SETD5: variants seen among roughly 807,000 people sequenced by gnomAD.
SETD5 encodes the protein SET domain containing 5, also known as histone-lysine N-methyltransferase SETD5.
In SETD5, 44 loss-of-function variants were observed where a neutral mutation model predicts 153.3. The observed-to-expected ratio is 0.29, with a 90% CI of 0.23 to 0.37. The LOEUF (loss-of-function observed/expected upper bound fraction) is 0.37, where lower values mean the gene tolerates loss of function less well. SETD5 is among the 10% of genes least tolerant of loss of function. The pLI is 1.00. For missense variants in SETD5, 1,544 were observed against 1,768.0 expected (o/e 0.87, Z 2.27); for synonymous variants, 716 against 645.2 (o/e 1.11, Z -1.66).
intron 1 of SETD5, among the ~76,000 whole-genome samples, chr3:9,416,220 G>A (rs967376131): frequency 6.6e-6 from 1 of 152,128 alleles, no homozygotes; most frequent in African/African-American, 2.4e-5. Flanking sequence ...AGTACTCTAA[G>A]AGATTGCTCA....
At chr3:9,436,709 AATTCCATTGT>A (rs1406300360) in intron 7 of SETD5, 3 of 652,056 alleles carry the variant, frequency 4.6e-6, no homozygotes, top group Non-Finnish European at 7.8e-6. Flanking sequence ...TAGTTTGGGG[AATTCCATTGT>A]ATTTTTTACC....
At position 9,445,147 on chromosome 3, in the gene SETD5, T is replaced by C. The variant is rs1424390716; in HGVS notation, c.1287T>C (p.Pro429=). Reference sequence around the variant, plus strand: ...CAGAACTGCCACTCCTACCACCTCCTCCAAGCCTACCCACCATTGGAGCAG... The same window carrying C: ...CAGAACTGCCACTCCTACCACCTCCCCCAAGCCTACCCACCATTGGAGCAG... ...NATELPLLPP[P]PSLPTIGAET... is the part of the protein sequence containing the mutation. Residue 429 remains proline (P), a synonymous_variant, in exon 12 of 23, where the codon CCT becomes CCC. Coordinates refer to ENST00000402198, the MANE Select transcript of SETD5 (RefSeq NM_001080517.3). 2 of 1,613,920 alleles carry C rather than the reference T, an allele frequency of 1.2e-6. No homozygotes were observed. Among genetic ancestry groups the C allele is most frequent in the Non-Finnish European group, 8.5e-7 (1 of 1,179,882 alleles).
intron 1 of SETD5, among the ~76,000 whole-genome samples, chr3:9,421,267 G>A (rs574347487): frequency 8.4e-4 from 128 of 152,124 alleles, no homozygotes; most frequent in Middle Eastern, 3.4e-3. Flanking sequence ...TAGAACTCAA[G>A]TCTCCTAACT....
intron 1 of SETD5, among the ~76,000 whole-genome samples, chr3:9,407,458 A>G (rs1385661907): frequency 6.6e-6 from 1 of 152,218 alleles, no homozygotes; most frequent in East Asian, 1.9e-4. Context: ...CCTTCCTCTT[A>G]CAGTTTATCA....
intron 11 of SETD5, among the ~76,000 whole-genome samples, chr3:9,444,024 T>C (rs1033642434): frequency 5.3e-5 from 8 of 152,238 alleles, no homozygotes; most frequent in African/African-American, 9.6e-5. Flanking sequence ...ATCACGCCAC[T>C]GCACTCCAGC....
chr3:9,470,045 C>G (rs75405410), intron 18 of SETD5, among the ~76,000 whole-genome samples: 1 of 152,098 alleles, frequency 6.6e-6, no homozygotes, highest in Non-Finnish European at 1.5e-5. Flanking sequence ...TTGATAACCC[C>G]GGAAGCCAGT....
intron 20 of SETD5, 105 bp downstream of exon 20, chr3:9,473,642 A>C: frequency 8.5e-7 from 1 of 1,181,552 alleles, no homozygotes; most frequent in Non-Finnish European, 1.2e-6. Flanking sequence ...ACTTGATGGG[A>C]ACATCTGAGA....
intron 1 of SETD5, among the ~76,000 whole-genome samples, chr3:9,402,039 G>A (rs1165156382): frequency 2.6e-5 from 4 of 152,182 alleles, no homozygotes; most frequent in African/African-American, 9.7e-5. Context: ...AAAATATGTG[G>A]CAAAATGATT....
chr3:9,400,124 T>C (rs1261048745), intron 1 of SETD5, among the ~76,000 whole-genome samples: 1 of 152,246 alleles, frequency 6.6e-6, no homozygotes, highest in Non-Finnish European at 1.5e-5. Flanking sequence ...GTTTGCTTTT[T>C]ATTGGTGGGG....
At position 9,422,388 on chromosome 3, in the gene SETD5, C is replaced by G. The variant is rs912801658; in HGVS notation, c.-176-2079C>G. 4.6e-5 allele frequency among the ~76,000 whole-genome samples: 7 copies of G among 152,056 alleles called. No individual in the cohort carries two copies. The East Asian group carries it at 1.2e-3, about 25-fold the overall frequency. On this transcript the variant is annotated intron_variant, in intron 1 of 22. Transcript: ENST00000402198. Reference sequence around the variant, plus strand: ...TATCTATGAAATATACTTTCTGTCTCTGAATTAGAGTGTATGTATATTTGT... The same window carrying G: ...TATCTATGAAATATACTTTCTGTCTGTGAATTAGAGTGTATGTATATTTGT...
intron 13 of SETD5, among the ~76,000 whole-genome samples, chr3:9,446,723 C>A (rs2042061272): frequency 1.3e-5 from 2 of 152,108 alleles, no homozygotes; most frequent in Admixed American, 1.3e-4. Flanking sequence ...AATCTCCCGA[C>A]CTCATGATCT....
intron 1 of SETD5, among the ~76,000 whole-genome samples, chr3:9,421,352 G>A (rs187191903): frequency 8.6e-4 from 130 of 151,646 alleles, no homozygotes; most frequent in Middle Eastern, 6.8e-3. Context: ...TGCCCAGGCT[G>A]GTCTTAAACT....
At position 9,460,535 on chromosome 3, in the gene SETD5, G is replaced by A. The variant is rs1357781802; in HGVS notation, c.2477-3890G>A. Among the ~76,000 whole-genome samples the A allele has an allele frequency of 2.0e-5, 3 of 151,866 alleles. 1 individual carries two copies. Among genetic ancestry groups the A allele is most frequent in the Non-Finnish European group, 2.9e-5 (2 of 67,916 alleles). On this transcript the variant is annotated intron_variant, in intron 17 of 22. Transcript: ENST00000402198. Reference sequence around the variant, plus strand: ...TTGGAGAACTAGAACAGAATAACTGGAATTTCCCTAACAATTTTAATAAAA... The same window carrying A: ...TTGGAGAACTAGAACAGAATAACTGAAATTTCCCTAACAATTTTAATAAAA...
At chr3:9,426,779 C>A (rs1381337154) in intron 2 of SETD5, among the ~76,000 whole-genome samples, 3 of 152,222 alleles carry the variant, frequency 2.0e-5, no homozygotes, top group African/African-American at 7.2e-5. Context: ...CTCAAGCAAT[C>A]CACCTGCCTC....
rs1227327654 is a variant in SETD5 at position 9,399,431 on chromosome 3, C to CT, written c.-177+1464dup. On this transcript the variant is annotated intron_variant, in intron 1 of 22. Coordinates refer to ENST00000402198, the MANE Select transcript of SETD5 (RefSeq NM_001080517.3). ...TCTGGGCTCCATAGAGGACGTAGGG[C>CT]TTTTTTTTTTCTATTGGATTTCTTC... Among the ~76,000 whole-genome samples the CT allele has an allele frequency of 1.0e-3, 152 of 148,482 alleles. 5 individuals are homozygous for CT. Among genetic ancestry groups the CT allele is most frequent in the Middle Eastern group, 7.0e-3 (2 of 284 alleles).
chr3:9,429,069 A>G, intron 3 of SETD5, 60 bp downstream of exon 3: 2 of 1,150,604 alleles, frequency 1.7e-6, no homozygotes, highest in East Asian at 2.4e-5. Context: ...CAGCCTTCTT[A>G]TGGATAGCTA....
intron 1 of SETD5, among the ~76,000 whole-genome samples, chr3:9,409,100 G>A (rs1374010309): frequency 1.3e-5 from 2 of 152,060 alleles, no homozygotes; most frequent in Admixed American, 6.6e-5. Context: ...ACAGATAATT[G>A]GTTGGAAAAT....
At chr3:9,462,659 A>G (rs999416038) in intron 17 of SETD5, among the ~76,000 whole-genome samples, 6 of 151,340 alleles carry the variant, frequency 4.0e-5, no homozygotes, top group Non-Finnish European at 5.9e-5. Flanking sequence ...TGTAATCCCA[A>G]CACTTTGGGA....
Position 9,434,763 on chromosome 3 carries a change from T to A in SETD5, c.330-61T>A. 1 of 1,555,750 alleles carries A rather than the reference T, an allele frequency of 6.4e-7. No individual in the cohort carries two copies. Among genetic ancestry groups the A allele is most frequent in the South Asian group, 1.2e-5 (1 of 82,810 alleles). ...CATATGCAGAGACACTTCGCCCATG[T>A]GTGCTATGATGTGATGCATGCTGTT... On this transcript the variant is annotated intron_variant, in intron 5 of 22. Coordinates refer to ENST00000402198, the MANE Select transcript of SETD5 (RefSeq NM_001080517.3). This position sits in a 1 kb window ranked among gnomAD's most constrained non-coding sequence, Gnocchi z 5.6.
Sources: allele counts gnomAD v4.1 joint callset (sites outside exome capture counted in the v4.1 genomes callset), GRCh38; gene constraint gnomAD v4.1.1; non-coding constraint Gnocchi (gnomAD v3.1); transcripts MANE v1.5; gene names NCBI Gene and HGNC (gene_info 2026-07-23, HGNC 2026-07-21).